Variants in TAX1BP1 observed in about 807,000 individuals in gnomAD.
The protein encoded by TAX1BP1 is tax1-binding protein 1.
In TAX1BP1, 62 loss-of-function variants were observed where a neutral mutation model predicts 97.7. The observed-to-expected ratio is 0.63, with a 90% CI of 0.52 to 0.78. The LOEUF is 0.78. TAX1BP1 is among the 30% of genes least tolerant of loss of function. TAX1BP1 has a pLI of 0.00. For missense variants in TAX1BP1, 867 were observed against 916.1 expected, an observed-to-expected ratio of 0.95 and a Z score of 0.69; for synonymous variants, 340 against 304.2, an observed-to-expected ratio of 1.12 and a Z score of -1.23.
chr7:27,794,567 A>G, intron 11 of TAX1BP1, 121 bp downstream of exon 11: 1 of 1,079,954 alleles, frequency 9.3e-7, no homozygotes, highest in South Asian at 2.2e-5. Context: ...AAGTGAAGGA[A>G]TTGAGGCAAC....
chr7:27,764,652 C>T (rs1004938260), intron 3 of TAX1BP1, among the ~76,000 whole-genome samples: 4 of 151,968 alleles, frequency 2.6e-5, no homozygotes, highest in Non-Finnish European at 4.4e-5. Flanking sequence ...CTTGTTTCTC[C>T]TCATATTTTC....
At chr7:27,792,689 C>T (rs2128318158) in intron 9 of TAX1BP1, among the ~76,000 whole-genome samples, 1 of 152,206 alleles carries the variant, frequency 6.6e-6, no homozygotes, top group East Asian at 1.9e-4. Context: ...TGGCCGGGGA[C>T]AGTTGCTCAC....
In TAX1BP1 at chr7:27,787,578, C is replaced by T; in HGVS notation, c.1013C>T (p.Thr338Ile). 6.2e-7 allele frequency: 1 copy of T among 1,610,680 alleles called. No individual in the cohort carries two copies. The highest frequency in any genetic ancestry group is 8.5e-7 in the Non-Finnish European group (1 of 1,178,646). ...CLAEKENLQR[T>I]FLLTTSSKED... ...GCTGAAAAGGAAAATCTGCAAAGAA[C>T]TTTCCTGCTTACAACCTCAAGTAAA... The change falls in exon 8 of 17, where the codon ACT (threonine) becomes ATT (isoleucine). Residue 338 changes from threonine (T) to isoleucine (I), a missense_variant. Transcript: ENST00000396319.
chr7:27,767,941 T>G (rs1788701565), intron 4 of TAX1BP1, among the ~76,000 whole-genome samples: 1 of 152,012 alleles, frequency 6.6e-6, no homozygotes. Context: ...CTGCACAAAA[T>G]TATTACAAAT....
Position 27,828,773 on chromosome 7 carries a change from G to A in TAX1BP1, c.2314G>A (p.Val772Met). 1 of 1,610,582 alleles carries A rather than the reference G, an allele frequency of 6.2e-7. No individual in the cohort carries two copies. Among genetic ancestry groups the A allele is most frequent in the Non-Finnish European group, 8.5e-7 (1 of 1,178,332 alleles). ...EQFPPDYDQQ[V>M]FERHVQTHFD... ...GTTCCCTCCTGACTATGACCAGCAGGTGTTTGAAAGGCATGTGCAGACCCA... is the reference window on the plus strand; with the variant it reads ...GTTCCCTCCTGACTATGACCAGCAGATGTTTGAAAGGCATGTGCAGACCCA... Residue 772 changes from valine (V) to methionine (M), a missense_variant, in exon 17 of 17, where the codon GTG (valine) becomes ATG (methionine). Val to Met is a conservative substitution (Grantham distance 21). Around this residue, in one of 3 missense-constraint regions of TAX1BP1, gnomAD observed 34 missense variants for 33.2 expected, o/e 1.02. Coordinates refer to ENST00000396319, the MANE Select transcript of TAX1BP1 (RefSeq NM_006024.7).
intron 5 of TAX1BP1, among the ~76,000 whole-genome samples, chr7:27,770,331 AAGAG>A (rs941436277): frequency 1.3e-5 from 2 of 152,108 alleles, no homozygotes; most frequent in Admixed American, 6.6e-5. Context: ...AGCTAAGAAA[AAGAG>A]AGACAGGTAC....
At chr7:27,789,543 T>G (rs1789621281) in intron 8 of TAX1BP1, among the ~76,000 whole-genome samples, 1 of 151,986 alleles carries the variant, frequency 6.6e-6, no homozygotes, top group African/African-American at 2.4e-5. Flanking sequence ...TCCTCTTCGT[T>G]CTTAAAAAAG....
At chr7:27,765,309 C>T (rs1046975009) in intron 3 of TAX1BP1, among the ~76,000 whole-genome samples, 3 of 151,848 alleles carry the variant, frequency 2.0e-5, no homozygotes, top group East Asian at 2.0e-4. Context: ...CATGAGCCAC[C>T]GCACTGGGTC....
rs184396773 is a variant in TAX1BP1 at position 27,799,843 on chromosome 7, C to T, written c.1639-122C>T. ...TCTATTAATAGACATTTGATTATTC[C>T]AATTTTTATGCTGTTACAACAGTGT... On this transcript the variant is annotated intron_variant, in intron 12 of 16. Coordinates refer to ENST00000396319, the MANE Select transcript of TAX1BP1 (RefSeq NM_006024.7). 3.1e-3 allele frequency: 1,936 copies of T among 628,446 alleles called. 8 individuals are homozygous for T. The highest frequency in any genetic ancestry group is 9.7e-3 in the Admixed American group (236 of 24,294). The allele number at this position is 628,446 out of a possible 1,614,324, so 38.9% of individuals were successfully genotyped here.
chr7:27,794,509 C>G (rs752957262), intron 11 of TAX1BP1, 63 bp downstream of exon 11: 10 of 1,426,486 alleles, frequency 7.0e-6, no homozygotes, highest in Non-Finnish European at 7.4e-6. Context: ...ATACTGCCTT[C>G]TTCCATGTGT....
chr7:27,789,826 T>C (rs894254583), intron 8 of TAX1BP1, among the ~76,000 whole-genome samples: 2 of 152,002 alleles, frequency 1.3e-5, no homozygotes, highest in African/African-American at 4.8e-5. Flanking sequence ...TGTTACTTTT[T>C]AATGTAACAG....
intron 11 of TAX1BP1, 30 bp downstream of exon 11, chr7:27,794,476 G>C (rs777009021): frequency 6.4e-7 from 1 of 1,568,682 alleles, no homozygotes; most frequent in East Asian, 2.3e-5. Flanking sequence ...TTTGTGTAGG[G>C]TGTCCTACAT....
chr7:27,822,693 G>A (rs1427889482), intron 15 of TAX1BP1, among the ~76,000 whole-genome samples: 1 of 152,128 alleles, frequency 6.6e-6, no homozygotes, highest in Non-Finnish European at 1.5e-5. Flanking sequence ...TTTTCAAATT[G>A]GGCCCCTTAT....
chr7:27,789,854 G>C (rs548481291), intron 8 of TAX1BP1, among the ~76,000 whole-genome samples: 122 of 152,072 alleles, frequency 8.0e-4, no homozygotes, highest in African/African-American at 2.7e-3. Flanking sequence ...GTGCAAACAT[G>C]AGAAGTGTAT....
At chr7:27,768,440 T>G (rs1372180624) in intron 4 of TAX1BP1, among the ~76,000 whole-genome samples, 1 of 152,024 alleles carries the variant, frequency 6.6e-6, no homozygotes, top group Non-Finnish European at 1.5e-5. Context: ...ACTTAAGCTT[T>G]AGTGAACTCT....
rs1349823156 is a variant in TAX1BP1 at position 27,798,296 on chromosome 7, TG to T, written c.1639-1668del. On this transcript the variant is annotated intron_variant, in intron 12 of 16. Coordinates refer to ENST00000396319, the MANE Select transcript of TAX1BP1 (RefSeq NM_006024.7). ...TGTTTAGAAGTTGTTTATGGACATA[TG>T]TTTTTTTTTGTTTCTTTTGGGTAAA... is the stretch of plus-strand genomic sequence containing the variant. Among the ~76,000 whole-genome samples, 20 of 152,262 alleles carry T rather than the reference TG, an allele frequency of 1.3e-4. No individual in the cohort carries two copies. The East Asian group carries it at 2.3e-3, about 18-fold the overall frequency.
At chr7:27,742,068 T>A (rs1488086796) in intron 1 of TAX1BP1, among the ~76,000 whole-genome samples, 3 of 152,244 alleles carry the variant, frequency 2.0e-5, no homozygotes, top group Non-Finnish European at 4.4e-5. Context: ...TCTCAGTAGA[T>A]GGAACGTACA....
rs966938435 is a variant in TAX1BP1 at position 27,802,863 on chromosome 7, A to G, written c.1764+2773A>G. 6.6e-5 allele frequency among the ~76,000 whole-genome samples: 10 copies of G among 152,250 alleles called. No homozygotes were observed. In the South Asian group the frequency reaches 2.1e-3, roughly 32 times the overall value. On this transcript the variant is annotated intron_variant, in intron 13 of 16. Transcript: ENST00000396319. ...TTGGACTGGGAAGAAAAAAAACACA[A>G]AAAAAGGGCATGGGATGATGAAAAT...
chr7:27,793,414 G>A (rs1232162923), intron 10 of TAX1BP1, among the ~76,000 whole-genome samples: 1 of 152,154 alleles, frequency 6.6e-6, no homozygotes, highest in Non-Finnish European at 1.5e-5. Context: ...AAGGAAGCAA[G>A]GGCAGTAGCA....
Sources: allele counts gnomAD v4.1 joint callset (sites outside exome capture counted in the v4.1 genomes callset), GRCh38; gene constraint gnomAD v4.1.1; regional missense constraint gnomAD v4.1.1; transcripts MANE v1.5; gene names NCBI Gene and HGNC (gene_info 2026-07-23, HGNC 2026-07-21).